CDC42BPA: variants seen among roughly 807,000 people sequenced by gnomAD.
CDC42BPA encodes the protein CDC42 binding protein kinase alpha.
Under a neutral mutation model 223.5 loss-of-function variants are expected in CDC42BPA, and 80 were observed. The ratio of observed to expected loss-of-function variants is 0.36; its 90% CI spans 0.30 to 0.43. CDC42BPA has a LOEUF of 0.43. Ranked by LOEUF, CDC42BPA falls within the 20% of genes least tolerant of loss-of-function variation. CDC42BPA has a pLI of 1.00. For missense variants in CDC42BPA, 1,743 were observed against 2,099.9 expected (o/e 0.83, Z 3.32); for synonymous variants, 694 against 718.6 (o/e 0.97, Z 0.55).
At chr1:227,311,767 G>A (rs1188353831) in intron 1 of CDC42BPA, among the ~76,000 whole-genome samples, 1 of 151,334 alleles carries the variant, frequency 6.6e-6, no homozygotes, top group Non-Finnish European at 1.5e-5. Flanking sequence ...TCAGACTGAA[G>A]TAGCAACTCA....
At chr1:227,106,702 T>C (rs1685997505) in intron 14 of CDC42BPA, among the ~76,000 whole-genome samples, 1 of 152,150 alleles carries the variant, frequency 6.6e-6, no homozygotes, top group African/African-American at 2.4e-5. Flanking sequence ...GTTGTAGCTG[T>C]AAGATTTCAG....
At position 227,196,347 on chromosome 1, in the gene CDC42BPA, T is replaced by TC. The variant is rs1428758049; in HGVS notation, c.451-2414_451-2413insG. 8.5e-4 allele frequency among the ~76,000 whole-genome samples: 113 copies of TC among 132,742 alleles called. 2 individuals are homozygous for TC. The highest frequency in any genetic ancestry group is 3.2e-3 in the African/African-American group (110 of 34,356). 87.1% of individuals were successfully genotyped at this position (132,742 alleles called of 152,430 possible). A position where few individuals can be genotyped will look rare whatever the true frequency, so the allele number is the denominator to read the frequency against. On this transcript the variant is annotated intron_variant, in intron 4 of 36. Coordinates refer to ENST00000366766, the MANE Select transcript of CDC42BPA (RefSeq NM_001394014.1). ...TTACTATTAAACAATACTTTTTTTT[T>TC]TTTTTTTTTTGAGACAGAGTCTCCC...
At chr1:227,148,772 CAAAA>C (rs57635319) in intron 6 of CDC42BPA, among the ~76,000 whole-genome samples, 133 of 78,770 alleles carry the variant, frequency 1.7e-3, no homozygotes, top group East Asian at 4.6e-3. Context: ...GTCTCAAAAG[CAAAA>C]AAAAAAAAAA....
At chr1:227,072,848 T>G (rs1473803873) in intron 19 of CDC42BPA, among the ~76,000 whole-genome samples, 1 of 152,078 alleles carries the variant, frequency 6.6e-6, no homozygotes, top group African/African-American at 2.4e-5. Context: ...TTATTTCAAA[T>G]TACAACACAG....
At chr1:227,185,590 A>G (rs1024151720) in intron 5 of CDC42BPA, among the ~76,000 whole-genome samples, 1 of 152,124 alleles carries the variant, frequency 6.6e-6, no homozygotes, top group Non-Finnish European at 1.5e-5. Flanking sequence ...CCAGCCTTCC[A>G]GTATAGCTGG....
chr1:227,247,517 G>A (rs1681197969), intron 2 of CDC42BPA, among the ~76,000 whole-genome samples: 1 of 151,586 alleles, frequency 6.6e-6, no homozygotes, highest in African/African-American at 2.4e-5. Flanking sequence ...CTACTTTGAG[G>A]AAACTCAAAG....
chr1:227,199,031 A>G (rs1671271622), intron 4 of CDC42BPA, among the ~76,000 whole-genome samples: 1 of 152,212 alleles, frequency 6.6e-6, no homozygotes, highest in Non-Finnish European at 1.5e-5. Context: ...TACAGGCGTG[A>G]GCCACCGCAT....
intron 14 of CDC42BPA, among the ~76,000 whole-genome samples, chr1:227,110,178 T>C (rs1159305343): frequency 6.6e-6 from 1 of 152,184 alleles, no homozygotes; most frequent in Non-Finnish European, 1.5e-5. Flanking sequence ...TATCCATTAT[T>C]AGAAGTGAGA....
chr1:227,226,781 G>C (rs1302098599), intron 2 of CDC42BPA, among the ~76,000 whole-genome samples: 1 of 152,136 alleles, frequency 6.6e-6, no homozygotes, highest in African/African-American at 2.4e-5. Flanking sequence ...TGAGATGACA[G>C]ACAATATAAG....
At chr1:227,096,743 G>A (rs1401701810) in intron 15 of CDC42BPA, among the ~76,000 whole-genome samples, 4 of 152,150 alleles carry the variant, frequency 2.6e-5, no homozygotes, top group South Asian at 2.1e-4. Context: ...ATGCTCCTCA[G>A]TATTCTGTCT....
intron 2 of CDC42BPA, among the ~76,000 whole-genome samples, chr1:227,215,983 T>A (rs1674748037): frequency 6.6e-6 from 1 of 152,208 alleles, no homozygotes; most frequent in Non-Finnish European, 1.5e-5. Context: ...TGACTAAATA[T>A]GGTATCTCAC....
At chr1:227,216,010 T>C (rs1427817381) in intron 2 of CDC42BPA, among the ~76,000 whole-genome samples, 1 of 152,124 alleles carries the variant, frequency 6.6e-6, no homozygotes, top group African/African-American at 2.4e-5. Context: ...ACAGAAAAAT[T>C]ACTCATACAC....
intron 1 of CDC42BPA, among the ~76,000 whole-genome samples, chr1:227,279,023 GCTTA>G (rs1376807805): frequency 1.3e-5 from 2 of 150,142 alleles, no homozygotes; most frequent in Admixed American, 6.6e-5. Context: ...TTTTTTTTAA[GCTTA>G]CTGTCTTGTA....
chr1:227,248,903 A>G (rs1256346795), intron 2 of CDC42BPA, among the ~76,000 whole-genome samples: 1 of 152,202 alleles, frequency 6.6e-6, no homozygotes, highest in Non-Finnish European at 1.5e-5. Flanking sequence ...CAAAGTATTA[A>G]TGACATTCTT....
rs138258868 is a variant in CDC42BPA at position 227,239,955 on chromosome 1, A to G, written c.270+14109T>C. Among the ~76,000 whole-genome samples the G allele has an allele frequency of 5.0e-3, 761 of 152,264 alleles. 5 individuals carry two copies. Among genetic ancestry groups the G allele is most frequent in the African/African-American group, 0.017 (711 of 41,574 alleles). On this transcript the variant is annotated intron_variant, in intron 2 of 36. Transcript: ENST00000366766. ...CAAGACAAAGAAATAGAAAGTCTAC[A>G]AAGTAAAAAGGATGCGTCCCTATTC...
intron 35 of CDC42BPA, among the ~76,000 whole-genome samples, chr1:226,997,748 T>C (rs1185068752): frequency 6.6e-6 from 1 of 152,196 alleles, no homozygotes; most frequent in East Asian, 1.9e-4. Context: ...AGTTTCCAAG[T>C]AGTTGTGCGG....
At chr1:227,016,413 G>A (rs1366384077) in intron 33 of CDC42BPA, among the ~76,000 whole-genome samples, 1 of 152,060 alleles carries the variant, frequency 6.6e-6, no homozygotes, top group African/African-American at 2.4e-5. Flanking sequence ...GAATAGTAGA[G>A]GATCTTTTTA....
intron 21 of CDC42BPA, among the ~76,000 whole-genome samples, chr1:227,053,680 A>T (rs10495269): frequency 0.091 from 13,849 of 152,194 alleles, 848 homozygotes; most frequent in Middle Eastern, 0.16. Flanking sequence ...TAATTTAATA[A>T]TCAAGGAGGC....
chr1:227,130,395 T>C lies in CDC42BPA; in HGVS notation c.1391-1164A>G, dbSNP rs575690242. On this transcript the variant is annotated intron_variant, in intron 10 of 36. Coordinates refer to ENST00000366766, the MANE Select transcript of CDC42BPA (RefSeq NM_001394014.1). ...ACTAGATTGTGCATCTGATGTTGATTTTCTGCATCCTATAAGTATTTCTTA... is the reference window on the plus strand; with the variant it reads ...ACTAGATTGTGCATCTGATGTTGATCTTCTGCATCCTATAAGTATTTCTTA... Among the ~76,000 whole-genome samples, 4 of 152,340 alleles carry C rather than the reference T, an allele frequency of 2.6e-5. No homozygotes were observed. In the East Asian group the frequency reaches 7.7e-4, roughly 29 times the overall value.
Sources: allele counts gnomAD v4.1 joint callset (sites outside exome capture counted in the v4.1 genomes callset), GRCh38; gene constraint gnomAD v4.1.1; transcripts MANE v1.5; gene names NCBI Gene and HGNC (gene_info 2026-07-23, HGNC 2026-07-21).